MRPL45: variants seen among roughly 807,000 people sequenced by gnomAD.
The protein encoded by MRPL45 is mitochondrial ribosomal protein L45, also known as large ribosomal subunit protein mL45.
MRPL45 carries 20 observed loss-of-function variants against 38.1 expected under a neutral mutation model. That is an observed-to-expected ratio of 0.53 (90% CI 0.37 to 0.76). MRPL45 has a LOEUF of 0.76. MRPL45 is among the 30% of genes least tolerant of loss of function. The pLI is 0.00. For missense variants in MRPL45, 337 were observed against 395.6 expected, an observed-to-expected ratio of 0.85 and a Z score of 1.26; for synonymous variants, 105 against 128.8, an observed-to-expected ratio of 0.82 and a Z score of 1.25.
At chr17:38,315,208 T>A (rs1002285841) in intron 4 of MRPL45, among the ~76,000 whole-genome samples, 9 of 152,176 alleles carry the variant, frequency 5.9e-5, no homozygotes, top group African/African-American at 2.2e-4. Context: ...TACTTTCTGG[T>A]GTCCTTTCAT....
At chr17:38,313,312 ATATATAT>A (rs1471765695) in intron 4 of MRPL45, among the ~76,000 whole-genome samples, 1 of 30,936 alleles carries the variant, frequency 3.2e-5, no homozygotes, top group South Asian at 1.3e-3. Flanking sequence ...AAAAAAAAAA[ATATATAT>A]ATATATATAT....
rs1361941074 is a variant in MRPL45 at position 38,297,192 on chromosome 17, C to T, written c.9C>T (p.Ala3=). MA[A]PIPQGFSCLS... ...GCCTTTGCGGGAACAAGATGGCAGC[C>T]CCCATACCTCAAGGGTTCTCTTGTT... Residue 3 remains alanine (A), a synonymous_variant, in exon 1 of 8, where the codon GCC becomes GCT. Coordinates refer to ENST00000613675, the MANE Select transcript of MRPL45 (RefSeq NM_032351.6). 2 of 1,614,234 alleles carry T rather than the reference C, an allele frequency of 1.2e-6. No homozygotes were observed. Among genetic ancestry groups the T allele is most frequent in the Admixed American group, 1.7e-5 (1 of 60,020 alleles).
At chr17:38,313,425 T>TA (rs1013448540) in intron 4 of MRPL45, among the ~76,000 whole-genome samples, 5 of 133,116 alleles carry the variant, frequency 3.8e-5, no homozygotes, top group Non-Finnish European at 7.7e-5. Flanking sequence ...TCTCACTGTA[T>TA]TGCCCAAGCT....
At chr17:38,306,844 T>C (rs988267092) in intron 4 of MRPL45, among the ~76,000 whole-genome samples, 76 of 152,312 alleles carry the variant, frequency 5.0e-4, no homozygotes, top group African/African-American at 1.6e-3. Context: ...TTCTACCATT[T>C]GGTCTGTCTC....
intron 4 of MRPL45, among the ~76,000 whole-genome samples, chr17:38,308,575 G>A (rs1239173631): frequency 6.6e-6 from 1 of 151,650 alleles, no homozygotes; most frequent in East Asian, 1.9e-4. Flanking sequence ...CAAGTAACTG[G>A]GATTACAGGC....
chr17:38,310,146 T>TC (rs1423623300), intron 4 of MRPL45, among the ~76,000 whole-genome samples: 1 of 148,698 alleles, frequency 6.7e-6, no homozygotes, highest in Non-Finnish European at 1.5e-5. Flanking sequence ...TTTTTTTTTT[T>TC]AGTGTGTCCA....
chr17:38,304,850 CTT>C (rs113236896), intron 3 of MRPL45, among the ~76,000 whole-genome samples: 12,160 of 137,064 alleles, frequency 0.089, 743 homozygotes, highest in Middle Eastern at 0.27. Flanking sequence ...CCGTAACTTC[CTT>C]TTTTTTTTTT....
intron 4 of MRPL45, among the ~76,000 whole-genome samples, chr17:38,307,929 A>C (rs970254530): frequency 2.0e-5 from 3 of 151,444 alleles, no homozygotes; most frequent in African/African-American, 7.3e-5. Flanking sequence ...TTGTTTTGAG[A>C]CGGTCTTGTT....
At chr17:38,300,901 G>A (rs1210793190) in intron 3 of MRPL45, among the ~76,000 whole-genome samples, 14 of 152,226 alleles carry the variant, frequency 9.2e-5, no homozygotes, top group Non-Finnish European at 1.5e-4. Flanking sequence ...AGCCGAGATC[G>A]TGCCATTGCA....
intron 4 of MRPL45, among the ~76,000 whole-genome samples, 168 bp downstream of exon 4, chr17:38,306,799 C>T (rs2037059991): frequency 1.3e-5 from 2 of 152,116 alleles, no homozygotes; most frequent in African/African-American, 2.4e-5. Context: ...TAGTGACTGA[C>T]GCTGTCTTTC....
intron 6 of MRPL45, 81 bp from the exon 7 acceptor site, chr17:38,322,045 A>AG (rs34243620): frequency 1.4e-5 from 20 of 1,387,406 alleles, no homozygotes; most frequent in Non-Finnish European, 3.0e-6. Flanking sequence ...AAAAAAAAAA[A>AG]GGTTGTATGG....
chr17:38,306,508 G>C (rs1365161217), intron 3 of MRPL45, 25 bp from the exon 4 acceptor site: 27 of 1,566,240 alleles, frequency 1.7e-5, no homozygotes, highest in Non-Finnish European at 2.4e-5. Flanking sequence ...ACCTTTAGAA[G>C]TAATACTCAG....
chr17:38,299,793 A>G (rs1036782708), intron 3 of MRPL45, among the ~76,000 whole-genome samples: 13 of 151,750 alleles, frequency 8.6e-5, no homozygotes, highest in African/African-American at 3.1e-4. Context: ...CTAGAATGCA[A>G]TGGCACGATC....
chr17:38,310,938 A>G (rs888502661), intron 4 of MRPL45, among the ~76,000 whole-genome samples: 87 of 152,262 alleles, frequency 5.7e-4, no homozygotes, highest in African/African-American at 2.0e-3. Context: ...AAACAAATAG[A>G]TATTTTAGAA....
chr17:38,302,781 G>C (rs930362903), intron 3 of MRPL45, among the ~76,000 whole-genome samples: 6 of 149,640 alleles, frequency 4.0e-5, no homozygotes, highest in Non-Finnish European at 8.9e-5. Flanking sequence ...CTGGAGTGCA[G>C]TGGCTCCATC....
chr17:38,310,090 T>C (rs1280026282), intron 4 of MRPL45, among the ~76,000 whole-genome samples: 1 of 149,958 alleles, frequency 6.7e-6, no homozygotes, highest in Non-Finnish European at 1.5e-5. Flanking sequence ...TAATTTTATA[T>C]TTATTTTATT....
chr17:38,308,365 C>T (rs1345882696), intron 4 of MRPL45, among the ~76,000 whole-genome samples: 2 of 150,916 alleles, frequency 1.3e-5, no homozygotes, highest in African/African-American at 4.9e-5. Flanking sequence ...ACCTCAGCCT[C>T]CCAAAGTGCT....
chr17:38,320,667 A>G lies in MRPL45; in HGVS notation c.560A>G (p.Glu187Gly). The G allele has an allele frequency of 6.2e-7, 1 of 1,614,114 alleles. No individual in the cohort carries two copies. The highest frequency in any genetic ancestry group is 1.1e-5 in the South Asian group (1 of 91,074). The part of the protein sequence containing the change: ...KYKTVRWSFV[E>G]SLEPSHVVQV... ...AAGACCGTCCGCTGGAGCTTTGTGGAATCTTTAGAGCCCTCTCATGTTGTT... is the reference window on the plus strand; with the variant it reads ...AAGACCGTCCGCTGGAGCTTTGTGGGATCTTTAGAGCCCTCTCATGTTGTT... The change falls in exon 6 of 8, where the codon GAA (glutamate) becomes GGA (glycine). Residue 187 changes from glutamate (E) to glycine (G), a missense_variant. Glu to Gly is a moderately conservative substitution (Grantham distance 98, BLOSUM62 -2). Transcript: ENST00000613675.
chr17:38,299,546 T>C, intron 3 of MRPL45, 78 bp downstream of exon 3: 1 of 1,104,466 alleles, frequency 9.1e-7, no homozygotes, highest in Non-Finnish European at 1.3e-6. Context: ...GAGACCTTTT[T>C]GGGTTAATTG....
Sources: allele counts gnomAD v4.1 joint callset (sites outside exome capture counted in the v4.1 genomes callset), GRCh38; gene constraint gnomAD v4.1.1; transcripts MANE v1.5; gene names NCBI Gene and HGNC (gene_info 2026-07-23, HGNC 2026-07-21).